RAB3C: variants seen among roughly 807,000 people sequenced by gnomAD.
RAB3C encodes the protein RAB3C, member RAS oncogene family, also known as ras-related protein Rab-3C.
Under a neutral mutation model 26.4 loss-of-function variants are expected in RAB3C, and 17 were observed. That is an observed-to-expected ratio of 0.64 (90% CI 0.44 to 0.97). The LOEUF (loss-of-function observed/expected upper bound fraction) is 0.97, where lower values mean the gene tolerates loss of function less well. Ranked by LOEUF, RAB3C falls within the 50% of genes least tolerant of loss-of-function variation. RAB3C has a pLI of 0.00. For synonymous variants in RAB3C, 91 were observed against 95.9 expected (o/e 0.95, Z 0.30); for missense variants, 242 against 281.9 (o/e 0.86, Z 1.01).
intron 2 of RAB3C, among the ~76,000 whole-genome samples, chr5:58,674,677 G>A (rs1748187295): frequency 6.6e-6 from 1 of 152,206 alleles, no homozygotes; most frequent in African/African-American, 2.4e-5. Context: ...TGAAATAGGT[G>A]TTGAGATGCT....
At chr5:58,791,956 G>C (rs1742532789) in intron 3 of RAB3C, among the ~76,000 whole-genome samples, 1 of 152,216 alleles carries the variant, frequency 6.6e-6, no homozygotes, top group Non-Finnish European at 1.5e-5. Flanking sequence ...TTCTAAAATG[G>C]AGATGATATT....
intron 3 of RAB3C, among the ~76,000 whole-genome samples, chr5:58,813,633 T>C (rs200626644): frequency 0.063 from 1,064 of 16,790 alleles, 32 homozygotes; most frequent in Admixed American, 0.21. Context: ...TATATATATA[T>C]ACACACACAC....
chr5:58,717,705 C>T (rs1246157958), intron 2 of RAB3C, among the ~76,000 whole-genome samples: 1 of 152,092 alleles, frequency 6.6e-6, no homozygotes, highest in Non-Finnish European at 1.5e-5. Context: ...GTGCAGCTAC[C>T]TGCTGTAGTG....
intron 1 of RAB3C, among the ~76,000 whole-genome samples, chr5:58,595,683 G>A (rs751719889): frequency 4.3e-4 from 66 of 152,148 alleles, no homozygotes; most frequent in African/African-American, 1.5e-3. Flanking sequence ...GGGGAGTTCC[G>A]CATGTCTGAG....
intron 2 of RAB3C, among the ~76,000 whole-genome samples, chr5:58,668,563 C>A (rs1748046360): frequency 6.6e-6 from 1 of 152,072 alleles, no homozygotes; most frequent in Non-Finnish European, 1.5e-5. Context: ...GTTTTCAAAT[C>A]CTGTCTTCTG....
At chr5:58,737,366 C>A (rs1741162625) in intron 3 of RAB3C, among the ~76,000 whole-genome samples, 1 of 125,810 alleles carries the variant, frequency 7.9e-6, no homozygotes, top group Non-Finnish European at 1.7e-5. Context: ...TGTTTTATGT[C>A]TTTTTCACAG....
intron 3 of RAB3C, among the ~76,000 whole-genome samples, chr5:58,778,766 C>T (rs187186192): frequency 4.3e-4 from 66 of 152,010 alleles, no homozygotes; most frequent in Non-Finnish European, 8.8e-5. Flanking sequence ...TAAATGAGTC[C>T]CACATATATG....
chr5:58,814,716 T>C (rs1347990708), intron 3 of RAB3C: 1 of 152,196 alleles, frequency 6.6e-6, no homozygotes, highest in Non-Finnish European at 1.5e-5. Flanking sequence ...GGGTGGTCCT[T>C]GCTTCATCTA....
chr5:58,731,259 G>A (rs1156245825), intron 3 of RAB3C, among the ~76,000 whole-genome samples: 1 of 152,098 alleles, frequency 6.6e-6, no homozygotes, highest in African/African-American at 2.4e-5. Flanking sequence ...GAATTTTCCA[G>A]TGGAATTTTA....
intron 3 of RAB3C, among the ~76,000 whole-genome samples, chr5:58,773,924 G>C (rs764494732): frequency 2.0e-4 from 30 of 152,132 alleles, no homozygotes; most frequent in Admixed American, 5.2e-4. Context: ...GACAACCTCA[G>C]CTGGGCTCTC....
intron 2 of RAB3C, among the ~76,000 whole-genome samples, chr5:58,636,138 A>G (rs149865357): frequency 9.2e-5 from 14 of 152,296 alleles, no homozygotes; most frequent in African/African-American, 3.1e-4. Flanking sequence ...TTGAAAACCA[A>G]TCCTTCTTGG....
chr5:58,624,840 A>G (rs1256988254), intron 2 of RAB3C, among the ~76,000 whole-genome samples: 1 of 152,094 alleles, frequency 6.6e-6, no homozygotes. Flanking sequence ...GGAAGCAGTT[A>G]TCTGATCTGT....
chr5:58,718,856 C>G (rs1749227767), intron 2 of RAB3C, among the ~76,000 whole-genome samples: 1 of 151,956 alleles, frequency 6.6e-6, no homozygotes, highest in Non-Finnish European at 1.5e-5. Context: ...GGAGGATTAA[C>G]TGCTCTAGGG....
At chr5:58,697,868 C>G (rs954417047) in intron 2 of RAB3C, among the ~76,000 whole-genome samples, 3 of 151,990 alleles carry the variant, frequency 2.0e-5, no homozygotes, top group Admixed American at 1.3e-4. Flanking sequence ...GGTCTTGACT[C>G]TATACAATTT....
chr5:58,771,605 C>A (rs1296391906), intron 3 of RAB3C, among the ~76,000 whole-genome samples: 1 of 151,954 alleles, frequency 6.6e-6, no homozygotes, highest in Non-Finnish European at 1.5e-5. Context: ...ATTTTTAGGA[C>A]ATAGCAATAA....
intron 4 of RAB3C, among the ~76,000 whole-genome samples, chr5:58,829,441 A>G (rs551579369): frequency 1.3e-5 from 2 of 152,300 alleles, no homozygotes; most frequent in East Asian, 3.9e-4. Context: ...AGAAATTTAT[A>G]GAGGAGGATG....
chr5:58,832,139 T>G (rs1743626508), intron 4 of RAB3C, among the ~76,000 whole-genome samples: 1 of 152,198 alleles, frequency 6.6e-6, no homozygotes, highest in African/African-American at 2.4e-5. Flanking sequence ...TCTTCCAGGA[T>G]GGATTCATGC....
In RAB3C at chr5:58,793,234, C is replaced by T. The variant is rs1281144637; in HGVS notation, c.372-31804C>T. Reference sequence around the variant, plus strand: ...AAGAGAAATTTCTTCAGAATTCCCTCAGAGGAAAAGCTTCTCTTATGTTTC... The same window carrying T: ...AAGAGAAATTTCTTCAGAATTCCCTTAGAGGAAAAGCTTCTCTTATGTTTC... On this transcript the variant is annotated intron_variant, in intron 3 of 4. Transcript: ENST00000282878. 3.3e-5 allele frequency among the ~76,000 whole-genome samples: 5 copies of T among 152,260 alleles called. No homozygotes were observed. The East Asian group carries it at 9.7e-4, about 29-fold the overall frequency.
intron 2 of RAB3C, among the ~76,000 whole-genome samples, chr5:58,708,805 G>A (rs554290681): frequency 6.6e-6 from 1 of 152,270 alleles, no homozygotes; most frequent in Admixed American, 6.5e-5. Flanking sequence ...AATGATTTAG[G>A]TCTACTTGGT....
Sources: allele counts gnomAD v4.1 joint callset (sites outside exome capture counted in the v4.1 genomes callset), GRCh38; gene constraint gnomAD v4.1.1; transcripts MANE v1.5; gene names NCBI Gene and HGNC (gene_info 2026-07-23, HGNC 2026-07-21).